GHR: variants seen among roughly 807,000 people sequenced by gnomAD.
The protein encoded by GHR is GH receptor.
A neutral mutation model predicts 67.1 loss-of-function variants in GHR; 35 were observed. That is an observed-to-expected ratio of 0.52 (90% confidence interval 0.40 to 0.69). The LOEUF (loss-of-function observed/expected upper bound fraction) is 0.69. Ranked by LOEUF, GHR falls within the 30% of genes least tolerant of loss-of-function variation. GHR has a pLI of 0.00. For missense variants in GHR, 792 were observed against 764.6 expected (o/e 1.04, Z -0.42); for synonymous variants, 272 against 269.1 (o/e 1.01, Z -0.10).
chr5:42,718,201 T>C (rs1030527548), intron 9 of GHR, 80 bp downstream of exon 9: 2 of 829,856 alleles, frequency 2.4e-6, no homozygotes, highest in Non-Finnish European at 4.2e-6. Flanking sequence ...AGGTTTTCTG[T>C]AAGCTATATA....
intron 3 of GHR, among the ~76,000 whole-genome samples, chr5:42,655,111 C>A (rs1305967425): frequency 6.6e-6 from 1 of 152,116 alleles, no homozygotes; most frequent in Non-Finnish European, 1.5e-5. Flanking sequence ...TTTAGGAATT[C>A]TCTTGCTTTA....
At chr5:42,512,285 A>T (rs1747050907) in intron 1 of GHR, among the ~76,000 whole-genome samples, 1 of 152,084 alleles carries the variant, frequency 6.6e-6, no homozygotes, top group East Asian at 1.9e-4. Flanking sequence ...GGATCCAGGA[A>T]TCCACATATT....
intron 1 of GHR, among the ~76,000 whole-genome samples, chr5:42,495,712 A>G (rs1746295456): frequency 6.6e-6 from 1 of 152,166 alleles, no homozygotes; most frequent in African/African-American, 2.4e-5. Flanking sequence ...TTTCAAGAAG[A>G]AACATCTGCA....
intron 3 of GHR, among the ~76,000 whole-genome samples, chr5:42,686,920 T>A (rs1757182390): frequency 6.6e-6 from 1 of 152,212 alleles, no homozygotes; most frequent in Admixed American, 6.5e-5. Flanking sequence ...ATTGTATATT[T>A]AGAAAACCCC....
rs1243383772 is a variant in GHR at position 42,718,748 on chromosome 5, C to A, written c.1241C>A (p.Pro414Gln). The A allele has an allele frequency of 1.2e-6, 2 of 1,614,104 alleles. No individual in the cohort carries two copies. The highest frequency in any genetic ancestry group is 4.5e-5 in the East Asian group (2 of 44,884). Residue 414 changes from proline to glutamine, a missense_variant, in exon 10 of 10, where the codon CCA (proline) becomes CAA (glutamine). Pro to Gln is a moderately conservative substitution (Grantham distance 76). Transcript: ENST00000230882. ...IHEGTSEVAQ[P>Q]QRLKGEADLL... is the part of the protein sequence containing the mutation. ...GAGGGTACCTCAGAGGTTGCTCAGC[C>A]ACAGAGGTTAAAAGGGGAAGCAGAT...
At chr5:42,668,724 C>T (rs1039716119) in intron 3 of GHR, among the ~76,000 whole-genome samples, 1 of 152,084 alleles carries the variant, frequency 6.6e-6, no homozygotes, top group East Asian at 1.9e-4. Context: ...CCATATTTAT[C>T]TTTGTATTTG....
intron 1 of GHR, among the ~76,000 whole-genome samples, chr5:42,525,346 C>T (rs1040772379): frequency 1.2e-4 from 18 of 152,204 alleles, no homozygotes; most frequent in African/African-American, 4.3e-4. Context: ...TTTGACTGCC[C>T]TGCGGCATTT....
chr5:42,534,855 T>C (rs1475463661), intron 1 of GHR, among the ~76,000 whole-genome samples: 1 of 152,040 alleles, frequency 6.6e-6, no homozygotes, highest in Non-Finnish European at 1.5e-5. Context: ...ATTATGGCCA[T>C]CCTTGCAGGA....
chr5:42,584,015 C>G (rs1249278261), intron 2 of GHR, among the ~76,000 whole-genome samples: 1 of 151,680 alleles, frequency 6.6e-6, no homozygotes, highest in Admixed American at 6.6e-5. Flanking sequence ...CTTTGCGGTC[C>G]GTTAGTAGTC....
intron 1 of GHR, among the ~76,000 whole-genome samples, chr5:42,528,952 TGCTCTTTTTA>T (rs1747830282): frequency 6.6e-6 from 1 of 152,150 alleles, no homozygotes; most frequent in African/African-American, 2.4e-5. Context: ...ATATACATTG[TGCTCTTTTTA>T]GACATAATGC....
At chr5:42,461,308 C>T (rs1007002978) in intron 1 of GHR, among the ~76,000 whole-genome samples, 8 of 152,320 alleles carry the variant, frequency 5.3e-5, no homozygotes, top group East Asian at 1.9e-4. Flanking sequence ...TCATTATCCA[C>T]GTAATATTCA....
At chr5:42,485,304 A>G (rs1743048866) in intron 1 of GHR, among the ~76,000 whole-genome samples, 1 of 152,088 alleles carries the variant, frequency 6.6e-6, no homozygotes, top group Non-Finnish European at 1.5e-5. Context: ...GCTCTATTTC[A>G]TCTTCACTTA....
chr5:42,690,706 G>C (rs1757382335), intron 4 of GHR, among the ~76,000 whole-genome samples: 1 of 152,090 alleles, frequency 6.6e-6, no homozygotes, highest in African/African-American at 2.4e-5. Context: ...TATAAGAGAG[G>C]TCTCTTGGAT....
chr5:42,609,501 G>C (rs1752784849), intron 2 of GHR, among the ~76,000 whole-genome samples: 1 of 152,246 alleles, frequency 6.6e-6, no homozygotes, highest in South Asian at 2.1e-4. Context: ...TCCTCTGTTT[G>C]CTAACTGGCC....
chr5:42,490,260 T>A (rs1728286653), intron 1 of GHR, among the ~76,000 whole-genome samples: 1 of 152,234 alleles, frequency 6.6e-6, no homozygotes, highest in Non-Finnish European at 1.5e-5. Context: ...TGACTCTTAG[T>A]AATGGGATCA....
intron 1 of GHR, among the ~76,000 whole-genome samples, chr5:42,527,950 G>A (rs1482272724): frequency 2.6e-5 from 4 of 152,132 alleles, no homozygotes; most frequent in African/African-American, 9.7e-5. Context: ...CCTGTTTACA[G>A]TATGGCTTGC....
At chr5:42,454,104 G>GGGC (rs1331665282) in intron 1 of GHR, among the ~76,000 whole-genome samples, 1 of 152,202 alleles carries the variant, frequency 6.6e-6, no homozygotes, top group African/African-American at 2.4e-5. Flanking sequence ...ACCAGGCTCT[G>GGGC]GGCTGGTGCT....
intron 3 of GHR, among the ~76,000 whole-genome samples, chr5:42,653,665 T>C (rs1289338586): frequency 6.6e-6 from 1 of 152,152 alleles, no homozygotes; most frequent in African/African-American, 2.4e-5. Context: ...TCTTGGTTGA[T>C]ATAGGAAGTG....
At chr5:42,678,523 A>G (rs1580183134) in intron 3 of GHR, among the ~76,000 whole-genome samples, 2 of 152,292 alleles carry the variant, frequency 1.3e-5, no homozygotes, top group Admixed American at 1.3e-4. Context: ...AAAAAACGTT[A>G]AATGATGTTT....
Sources: allele counts gnomAD v4.1 joint callset (sites outside exome capture counted in the v4.1 genomes callset), GRCh38; gene constraint gnomAD v4.1.1; transcripts MANE v1.5; gene names NCBI Gene and HGNC (gene_info 2026-07-23, HGNC 2026-07-21).